The following CCDC7 variants were observed in gnomAD, a reference collection of about 807,000 sequenced individuals.
CCDC7 encodes the protein coiled-coil domain-containing protein 7.
Under a neutral mutation model 196.9 loss-of-function variants are expected in CCDC7, and 183 were observed. The observed-to-expected ratio is 0.93, with a 90% CI of 0.82 to 1.05. The LOEUF is 1.05. CCDC7 is among the 50% of genes least tolerant of loss of function. The pLI, the probability that CCDC7 is intolerant of heterozygous loss-of-function variation, is 0.00. For synonymous variants in CCDC7, 525 were observed against 484.6 expected (o/e 1.08, Z -1.10); for missense variants, 1,540 against 1,482.2 (o/e 1.04, Z -0.64).
rs370692295 is a variant in CCDC7 at position 32,565,635 on chromosome 10, G to A, written c.1197+15G>A. The A allele has an allele frequency of 2.5e-6, 4 of 1,601,488 alleles. No homozygotes were observed. The African/African-American group carries it at 5.4e-5, about 22-fold the overall frequency. ...AGGCTTTACAGGTAAAGGATGTCATGTTTCTTTAACATTGTTAACAAGTAA... is the reference window on the plus strand; with the variant it reads ...AGGCTTTACAGGTAAAGGATGTCATATTTCTTTAACATTGTTAACAAGTAA... On this transcript the variant is annotated intron_variant, in intron 14 of 41. Transcript: ENST00000639629.
chr10:32,619,859 A>C (rs958827918), intron 18 of CCDC7, among the ~76,000 whole-genome samples: 1 of 149,310 alleles, frequency 6.7e-6, no homozygotes, highest in South Asian at 2.1e-4. Flanking sequence ...TCAGTCTCCA[A>C]AAGTGCTGAT....
intron 24 of CCDC7, among the ~76,000 whole-genome samples, chr10:32,703,110 T>G (rs1015112069): frequency 3.9e-5 from 6 of 152,158 alleles, no homozygotes; most frequent in African/African-American, 1.2e-4. Context: ...TTCCTAGCAT[T>G]GATGGTCTTT....
chr10:32,543,899 A>G (rs2051953626), intron 12 of CCDC7, among the ~76,000 whole-genome samples: 1 of 152,044 alleles, frequency 6.6e-6, no homozygotes, highest in African/African-American at 2.4e-5. Context: ...TAATTTTAAA[A>G]GGAAACTATG....
chr10:32,581,957 T>C lies in CCDC7; in HGVS notation c.1455-1077T>C, dbSNP rs190542092. The stretch of plus-strand genomic sequence containing the variant: ...CTTAAATTCAAACACCTAATAGAAC[T>C]AATAAATCAGGTTTGAGAATGAGAT... On this transcript the variant is annotated intron_variant, in intron 16 of 41. Coordinates refer to ENST00000639629, the Ensembl canonical transcript of CCDC7. 1.1e-3 allele frequency among the ~76,000 whole-genome samples: 170 copies of C among 151,870 alleles called. 1 individual carries two copies. The highest frequency in any genetic ancestry group is 5.0e-4 in the Non-Finnish European group (34 of 67,904).
chr10:32,484,926 C>T (rs910711868), intron 8 of CCDC7, among the ~76,000 whole-genome samples: 8 of 152,142 alleles, frequency 5.3e-5, no homozygotes, highest in Admixed American at 2.0e-4. Flanking sequence ...ATTTTTGCAT[C>T]GATGTTCATC....
intron 32 of CCDC7, among the ~76,000 whole-genome samples, chr10:32,831,758 T>C (rs1473220287): frequency 6.6e-6 from 1 of 152,184 alleles, no homozygotes; most frequent in African/African-American, 2.4e-5. Flanking sequence ...GAAGCTTTCA[T>C]CTCCTATGAT....
At chr10:32,668,434 C>A (rs1050872449) in intron 21 of CCDC7, among the ~76,000 whole-genome samples, 4 of 152,112 alleles carry the variant, frequency 2.6e-5, no homozygotes, top group African/African-American at 9.7e-5. Flanking sequence ...GAGAGGGCAT[C>A]CCTGTCTTGT....
intron 29 of CCDC7, among the ~76,000 whole-genome samples, chr10:32,782,151 T>C (rs2081154844): frequency 1.3e-5 from 2 of 151,884 alleles, no homozygotes; most frequent in Admixed American, 1.3e-4. Flanking sequence ...CATATAATGC[T>C]GAAAACAATT....
chr10:32,817,963 A>G (rs1006646883), intron 31 of CCDC7, among the ~76,000 whole-genome samples: 11 of 152,204 alleles, frequency 7.2e-5, no homozygotes, highest in Admixed American at 6.5e-5. Flanking sequence ...CATCATAATG[A>G]CATGATCAAA....
At chr10:32,804,973 G>A (rs2085526126) in intron 29 of CCDC7, 42 bp from the exon 31 acceptor site, 1 of 1,267,510 alleles carries the variant, frequency 7.9e-7, no homozygotes, top group Non-Finnish European at 1.2e-6. Context: ...CCTATGTAAG[G>A]ATTACCTCGC....
chr10:32,878,978 G>A (rs2094689641), downstream of CCDC7, among the ~76,000 whole-genome samples: 1 of 152,028 alleles, frequency 6.6e-6, no homozygotes, highest in African/African-American at 2.4e-5. Context: ...AAATGTATGG[G>A]GCCATTCATG....
chr10:32,675,268 T>C (rs867445906), intron 21 of CCDC7, among the ~76,000 whole-genome samples: 24 of 146,254 alleles, frequency 1.6e-4, no homozygotes, highest in Middle Eastern at 3.4e-3. Context: ...CAGGTTTTTC[T>C]TTACGATTAC....
chr10:32,693,589 T>A (rs1376295264), intron 23 of CCDC7, among the ~76,000 whole-genome samples: 1 of 152,188 alleles, frequency 6.6e-6, no homozygotes, highest in African/African-American at 2.4e-5. Context: ...TATACCATAG[T>A]GTGTGGTATA....
At chr10:32,801,446 CCTG>C (rs2084769837) in intron 29 of CCDC7, among the ~76,000 whole-genome samples, 1 of 152,164 alleles carries the variant, frequency 6.6e-6, no homozygotes, top group Non-Finnish European at 1.5e-5. Context: ...ATGCAGAATC[CCTG>C]CTTAGTGGGC....
chr10:32,567,832 T>A, exon 15 of CCDC7: 1 of 1,613,396 alleles, frequency 6.2e-7, no homozygotes, highest in Non-Finnish European at 8.5e-7. Flanking sequence ...AACAAGAAAA[T>A]CACTGGTTTC....
intron 20 of CCDC7, among the ~76,000 whole-genome samples, chr10:32,659,966 G>A (rs554265000): frequency 1.8e-4 from 28 of 152,238 alleles, no homozygotes; most frequent in Admixed American, 9.8e-4. Context: ...CAGCAATCCC[G>A]TTACTGGGTA....
At chr10:32,731,398 C>T (rs1003922320) in intron 28 of CCDC7, among the ~76,000 whole-genome samples, 6 of 151,826 alleles carry the variant, frequency 4.0e-5, no homozygotes, top group Non-Finnish European at 5.9e-5. Context: ...AATTATTGTA[C>T]TTACTGATAT....
At chr10:32,776,371 T>G (rs1164449428) in intron 28 of CCDC7, among the ~76,000 whole-genome samples, 2 of 112,536 alleles carry the variant, frequency 1.8e-5, no homozygotes, top group Non-Finnish European at 4.3e-5. Flanking sequence ...GAATAATGGT[T>G]TTTTTTTTAA....
chr10:32,554,322 G>A (rs1249729827), intron 13 of CCDC7, among the ~76,000 whole-genome samples: 1 of 152,200 alleles, frequency 6.6e-6, no homozygotes, highest in Non-Finnish European at 1.5e-5. Flanking sequence ...CCTCCCCTGA[G>A]TTCTGGCCAG....
Sources: gnomAD v4.1 joint callset for allele counts (sites outside exome capture counted in the v4.1 genomes callset) on GRCh38, gnomAD v4.1.1 for gene constraint, MANE v1.5 for transcripts, NCBI Gene and HGNC (gene_info 2026-07-23, HGNC 2026-07-21) for gene names.